Variants in TMEM135 observed in about 807,000 individuals in gnomAD.
The protein encoded by TMEM135 is transmembrane protein 135, also known as peroxisomal membrane protein 52.
A neutral mutation model predicts 60.3 loss-of-function variants in TMEM135; 30 were observed. The observed-to-expected ratio is 0.50, with a 90% confidence interval of 0.37 to 0.68. The LOEUF is 0.68. Among genes scored for constraint, TMEM135 ranks in the 30% least tolerant of loss-of-function variants. TMEM135 has a pLI of 0.00. For missense variants in TMEM135, 468 were observed against 548.8 expected (o/e 0.85, Z 1.47); for synonymous variants, 190 against 186.7 (o/e 1.02, Z -0.14).
intron 4 of TMEM135, among the ~76,000 whole-genome samples, chr11:87,120,215 C>T (rs955712179): frequency 2.0e-5 from 3 of 149,358 alleles, no homozygotes; most frequent in Admixed American, 6.8e-5. Flanking sequence ...TGGGCTCAAG[C>T]CATCCTCCTG....
chr11:87,267,597 TG>T (rs768603012), intron 6 of TMEM135, among the ~76,000 whole-genome samples: 8 of 152,250 alleles, frequency 5.3e-5, no homozygotes, highest in African/African-American at 1.4e-4. Flanking sequence ...ATTTCGTGAT[TG>T]TTTTTTGTGA....
chr11:87,156,237 T>C (rs1037692660), intron 4 of TMEM135, among the ~76,000 whole-genome samples: 1 of 152,226 alleles, frequency 6.6e-6, no homozygotes, highest in African/African-American at 2.4e-5. Context: ...ATCTTTATGA[T>C]AGTACCACAT....
intron 5 of TMEM135, among the ~76,000 whole-genome samples, chr11:87,226,738 T>C (rs1940772680): frequency 6.6e-6 from 1 of 152,136 alleles, no homozygotes; most frequent in Non-Finnish European, 1.5e-5. Context: ...TTTAGTGGCC[T>C]TGAAGGTATA....
intron 7 of TMEM135, among the ~76,000 whole-genome samples, chr11:87,301,393 A>G (rs1942446738): frequency 6.6e-6 from 1 of 152,118 alleles, no homozygotes; most frequent in East Asian, 1.9e-4. Context: ...AGCTGGGACT[A>G]CAGGCGTACA....
chr11:87,205,452 T>C (rs1335270356), intron 5 of TMEM135, among the ~76,000 whole-genome samples: 8 of 152,288 alleles, frequency 5.3e-5, no homozygotes, highest in Middle Eastern at 3.4e-3. Flanking sequence ...TAGAAGTTGC[T>C]TGTAGTAATC....
rs150068664 is a variant in TMEM135 at position 87,038,069 on chromosome 11, C to G, written c.24C>G (p.Ile8Met). 15 of 1,614,064 alleles carry G rather than the reference C, an allele frequency of 9.3e-6. No homozygotes were observed. The African/African-American group carries it at 1.9e-4, about 20-fold the overall frequency. The change falls in exon 1 of 15, where the codon ATC (isoleucine) becomes ATG (methionine). Residue 8 changes from isoleucine (I) to methionine (M), a missense_variant. Coordinates refer to ENST00000305494, the MANE Select transcript of TMEM135 (RefSeq NM_022918.4). ...TCATGGCGGCCCTCAGCAAGTCCAT[C>G]CCTCATAACTGCTATGAGATCGGCC... MAALSKS[I>M]PHNCYEIGHT... is the part of the protein sequence containing the mutation.
At chr11:87,319,546 C>G (rs1028077014) in intron 14 of TMEM135, among the ~76,000 whole-genome samples, 169 bp downstream of exon 14, 1 of 151,938 alleles carries the variant, frequency 6.6e-6, no homozygotes, top group African/African-American at 2.4e-5. Flanking sequence ...CTATTCTTTT[C>G]CCTATAATAT....
At chr11:87,197,044 A>C (rs1939976501) in intron 5 of TMEM135, among the ~76,000 whole-genome samples, 1 of 152,144 alleles carries the variant, frequency 6.6e-6, no homozygotes, top group Non-Finnish European at 1.5e-5. Flanking sequence ...TAGTACCAAA[A>C]TAAAGGAAAT....
intron 4 of TMEM135, among the ~76,000 whole-genome samples, chr11:87,111,147 A>T (rs1348914460): frequency 6.6e-6 from 1 of 152,222 alleles, no homozygotes; most frequent in Non-Finnish European, 1.5e-5. Flanking sequence ...GGACGAAGAA[A>T]TGCTTAGTTA....
rs1431931397 is a variant in TMEM135, at chr11:87,181,484, A to G, written c.462+24078A>G. On this transcript the variant is annotated intron_variant, in intron 5 of 14. Coordinates refer to ENST00000305494, the MANE Select transcript of TMEM135 (RefSeq NM_022918.4). ...AGATTCATAATATTCAGTAAATTCC[A>G]AAAATGCCAAATATCGTGTGATTCA... 1.2e-4 allele frequency among the ~76,000 whole-genome samples: 19 copies of G among 152,188 alleles called. 1 individual carries two copies. The highest frequency in any genetic ancestry group is 1.2e-3 in the Admixed American group (19 of 15,274).
At chr11:87,078,568 T>A (rs1856920288) in intron 3 of TMEM135, among the ~76,000 whole-genome samples, 1 of 152,178 alleles carries the variant, frequency 6.6e-6, no homozygotes, top group South Asian at 2.1e-4. Flanking sequence ...GAAAAGTTTT[T>A]AATTTTGATG....
rs963192908 is a variant in TMEM135 at position 87,326,750 on chromosome 11, T to C, written c.*5417T>C. On this transcript the variant is annotated 3_prime_UTR_variant, in exon 15 of 15. Transcript: ENST00000305494. ...CAGGGAAAATTGAAGGTAAATAATA[T>C]CTGCAAAGCTTCAGGAAGAAATTCA... 2 of 444,356 alleles carry C rather than the reference T, an allele frequency of 4.5e-6. No homozygotes were observed. Among genetic ancestry groups the C allele is most frequent in the African/African-American group, 4.1e-5 (2 of 49,120 alleles). 27.5% of individuals were successfully genotyped at this position (444,356 alleles called of 1,614,324 possible).
intron 4 of TMEM135, among the ~76,000 whole-genome samples, chr11:87,098,366 T>C (rs1409218256): frequency 6.6e-6 from 1 of 150,724 alleles, no homozygotes; most frequent in East Asian, 2.0e-4. Flanking sequence ...TGCTGTAATA[T>C]TATTTACAAG....
intron 3 of TMEM135, among the ~76,000 whole-genome samples, chr11:87,089,891 A>G (rs767368316): frequency 1.3e-5 from 2 of 152,182 alleles, no homozygotes; most frequent in Non-Finnish European, 2.9e-5. Context: ...AACCTTATAG[A>G]TAATCTTACA....
chr11:87,116,037 G>A (rs572584875), intron 4 of TMEM135, among the ~76,000 whole-genome samples: 1 of 152,090 alleles, frequency 6.6e-6, no homozygotes, highest in Non-Finnish European at 1.5e-5. Flanking sequence ...TTAAAAAATA[G>A]ATTTATAGAA....
chr11:87,074,316 G>A (rs186971952), intron 3 of TMEM135, among the ~76,000 whole-genome samples: 12 of 152,260 alleles, frequency 7.9e-5, no homozygotes, highest in African/African-American at 2.2e-4. Flanking sequence ...AAAATGCTTA[G>A]AACAGTGCCT....
chr11:87,120,707 C>T (rs1236466308), intron 4 of TMEM135, among the ~76,000 whole-genome samples: 1 of 151,876 alleles, frequency 6.6e-6, no homozygotes, highest in East Asian at 1.9e-4. Context: ...ACCTCATGAT[C>T]CACCTGCCTC....
chr11:87,157,351 C>G lies in TMEM135; in HGVS notation c.407C>G (p.Thr136Arg), dbSNP rs1230380782. The change falls in exon 5 of 15, where the codon ACA becomes AGA. Residue 136 changes from threonine to arginine, a missense_variant. Transcript: ENST00000305494. ...TTTTTTAATTTACAGGCCACAGAAA[C>G]ACTATTCAGAATGGGTGTAGCAAGA... ...TIYMANLATE[T>R]LFRMGVARGT... 6.2e-7 allele frequency: 1 copy of G among 1,610,776 alleles called. No homozygotes were observed. The highest frequency in any genetic ancestry group is 8.5e-7 in the Non-Finnish European group (1 of 1,178,480).
chr11:87,270,307 C>G (rs1004783991), intron 6 of TMEM135, among the ~76,000 whole-genome samples: 1 of 151,854 alleles, frequency 6.6e-6, no homozygotes, highest in Non-Finnish European at 1.5e-5. Flanking sequence ...CCTGTTCACT[C>G]TGATGGTAGT....
Sources: allele counts gnomAD v4.1 joint callset (sites outside exome capture counted in the v4.1 genomes callset), GRCh38; gene constraint gnomAD v4.1.1; transcripts MANE v1.5; gene names NCBI Gene and HGNC (gene_info 2026-07-23, HGNC 2026-07-21).